IAH1: variants seen among roughly 807,000 people sequenced by gnomAD.
IAH1 encodes the protein isoamyl acetate hydrolyzing esterase 1 (putative).
Under a neutral mutation model 26.7 loss-of-function variants are expected in IAH1, and 24 were observed. The ratio of observed to expected loss-of-function variants is 0.90; its 90% confidence interval spans 0.65 to 1.26. The LOEUF (loss-of-function observed/expected upper bound fraction) is 1.26. IAH1 is among the 50% of genes most tolerant of loss of function. IAH1 has a pLI of 0.00. For synonymous variants in IAH1, 140 were observed against 118.5 expected (o/e 1.18, Z -1.18); for missense variants, 300 against 299.9 (o/e 1.00, Z 0.00).
chr2:9,478,121 G>A (rs573826365), intron 2 of IAH1, 101 bp from the exon 3 acceptor site: 94 of 1,026,768 alleles, frequency 9.2e-5, no homozygotes, highest in Non-Finnish European at 1.2e-4. Context: ...GACACGTGAC[G>A]GGTTTAGAAT....
At chr2:9,502,406 ACAT>A in the IAH1 span, 2 of 691,806 alleles carry the variant, frequency 2.9e-6, no homozygotes, top group South Asian at 3.5e-5. Flanking sequence ...ACCCACTCCT[ACAT>A]CATCAGACAT....
chr2:9,503,567 G>GC, the IAH1 span, among the ~76,000 whole-genome samples: 335 of 152,270 alleles, frequency 2.2e-3, 1 homozygote, highest in Non-Finnish European at 1.3e-3. Context: ...GCAGCCAGGA[G>GC]CAGTGGCTCA....
chr2:9,482,190 G>A (rs1012323573), intron 4 of IAH1, among the ~76,000 whole-genome samples: 10 of 152,096 alleles, frequency 6.6e-5, no homozygotes, highest in East Asian at 1.9e-4. Flanking sequence ...CACCACGCCC[G>A]GCTAATTTTT....
chr2:9,495,199 C>T (rs1329542014), intron 6 of IAH1, among the ~76,000 whole-genome samples: 1 of 152,228 alleles, frequency 6.6e-6, no homozygotes, highest in Non-Finnish European at 1.5e-5. Flanking sequence ...ACACAACTGT[C>T]CACCCTTGGG....
downstream of IAH1, among the ~76,000 whole-genome samples, chr2:9,492,676 A>G (rs1333992619): frequency 6.6e-6 from 1 of 152,238 alleles, no homozygotes; most frequent in Admixed American, 6.5e-5. Context: ...TAAGAAATTT[A>G]TATATTAAAA....
At chr2:9,474,538 G>GACCCC, upstream of IAH1, 5 of 1,293,726 alleles carry the variant, frequency 3.9e-6, no homozygotes, top group Non-Finnish European at 5.1e-6. The surrounding 1 kb of genome is among the most constrained non-coding windows in gnomAD (Gnocchi z 4.3). Context: ...CGTGGCTGGC[G>GACCCC]GCCCCGCCCC....
At chr2:9,481,867 C>A (rs951013646) in intron 4 of IAH1, among the ~76,000 whole-genome samples, 1 of 151,990 alleles carries the variant, frequency 6.6e-6, no homozygotes, top group African/African-American at 2.4e-5. Flanking sequence ...AGATAGGAGT[C>A]GCCAGCACTC....
chr2:9,480,685 A>C (rs1241476303), intron 3 of IAH1, among the ~76,000 whole-genome samples: 2 of 152,206 alleles, frequency 1.3e-5, no homozygotes, highest in Non-Finnish European at 2.9e-5. Context: ...CTGTACTTAC[A>C]TGTGGTTAGC....
chr2:9,504,287 T>C, the IAH1 span, among the ~76,000 whole-genome samples: 3 of 148,834 alleles, frequency 2.0e-5, no homozygotes, highest in East Asian at 6.0e-4. Context: ...TCTACTAAAA[T>C]ACAAAAAATC....
intron 3 of IAH1, among the ~76,000 whole-genome samples, chr2:9,479,567 G>C (rs1243845416): frequency 6.6e-6 from 1 of 152,058 alleles, no homozygotes; most frequent in African/African-American, 2.4e-5. Context: ...ATTAAAACAA[G>C]GTATTTTGAT....
At chr2:9,502,380 A>C in the IAH1 span, 1 of 978,678 alleles carries the variant, frequency 1.0e-6, no homozygotes, top group Non-Finnish European at 1.6e-6. Flanking sequence ...ACCGGGGAAG[A>C]CCTCCTGGCT....
At chr2:9,502,122 C>T in the IAH1 span, 1 of 1,394,172 alleles carries the variant, frequency 7.2e-7, no homozygotes, top group Non-Finnish European at 1.0e-6. Context: ...TTTTCAAAGA[C>T]ACACACACAC....
chr2:9,476,644 A>C (rs1660809956), intron 2 of IAH1, among the ~76,000 whole-genome samples: 1 of 152,118 alleles, frequency 6.6e-6, no homozygotes, highest in South Asian at 2.1e-4. Flanking sequence ...ATTACAGTTA[A>C]AGGTGGTTAT....
At chr2:9,481,764 C>T (rs374223574) in intron 4 of IAH1, among the ~76,000 whole-genome samples, 8 of 146,746 alleles carry the variant, frequency 5.5e-5, no homozygotes, top group South Asian at 2.2e-4. Context: ...CTGTGGTGCT[C>T]GGCCTGCGGG....
At chr2:9,485,309 G>A (rs1392566672) in intron 5 of IAH1, 4 of 152,330 alleles carry the variant, frequency 2.6e-5, no homozygotes, top group Non-Finnish European at 4.4e-5. Flanking sequence ...AAGGAAGCTG[G>A]TCTCTGAAGG....
Position 9,474,981 on chromosome 2 carries a change from C to T in IAH1, c.81+334C>T. 11 of 1,095,380 alleles carry T rather than the reference C, an allele frequency of 1.0e-5. No individual in the cohort carries two copies. Among genetic ancestry groups the T allele is most frequent in the South Asian group, 2.3e-5 (1 of 42,878 alleles). The allele number at this position is 1,095,380 out of a possible 1,614,324, so 67.9% of individuals were successfully genotyped here. ...GCGCCCTCCTGGGCAGCGGCCTTTC[C>T]CCTCCGGGTCCGGGTTAGCGGCCGC... On this transcript the variant is annotated intron_variant, in intron 1 of 5. Transcript: ENST00000497473. The surrounding 1 kb of genome is among the most constrained non-coding windows in gnomAD (Gnocchi z 4.3).
downstream of IAH1, chr2:9,493,059 A>G (rs1381453229): frequency 7.9e-7 from 1 of 1,265,950 alleles, no homozygotes; most frequent in East Asian, 2.6e-5. Context: ...CTCTTAGGAT[A>G]TTACCATTGT....
At chr2:9,477,664 C>T (rs982286485) in intron 2 of IAH1, among the ~76,000 whole-genome samples, 72 of 140,316 alleles carry the variant, frequency 5.1e-4, no homozygotes, top group African/African-American at 1.7e-3. Context: ...GGCAACCCGG[C>T]TTTTTTTTTT....
chr2:9,511,255 C>T, the IAH1 span, among the ~76,000 whole-genome samples: 1 of 152,050 alleles, frequency 6.6e-6, no homozygotes, highest in East Asian at 1.9e-4. Context: ...TCGAGACCAG[C>T]CTGGCCAACA....
Sources: gnomAD v4.1 joint callset for allele counts (sites outside exome capture counted in the v4.1 genomes callset) on GRCh38, gnomAD v4.1.1 for gene constraint, Gnocchi (gnomAD v3.1) non-coding constraint, MANE v1.5 for transcripts, NCBI Gene and HGNC (gene_info 2026-07-23, HGNC 2026-07-21) for gene names.